The following RNF38 variants were observed in gnomAD, a reference collection of about 807,000 sequenced individuals.
RNF38 encodes the protein E3 ubiquitin-protein ligase RNF38.
Under a neutral mutation model 67.2 loss-of-function variants are expected in RNF38, and 15 were observed. That is an observed-to-expected ratio of 0.22 (90% CI 0.15 to 0.34). The LOEUF (loss-of-function observed/expected upper bound fraction) is 0.34, where lower values mean the gene tolerates loss of function less well. Ranked by LOEUF, RNF38 falls within the 10% of genes least tolerant of loss-of-function variation. The pLI, the probability that RNF38 is intolerant of heterozygous loss-of-function variation, is 1.00. For missense variants in RNF38, 524 were observed against 639.9 expected (o/e 0.82, Z 1.95); for synonymous variants, 220 against 218.8 (o/e 1.01, Z -0.05).
chr9:36,408,143 G>C (rs1289883923), intron 2 of RNF38, among the ~76,000 whole-genome samples: 2 of 152,094 alleles, frequency 1.3e-5, no homozygotes, highest in Non-Finnish European at 2.9e-5. Flanking sequence ...CTGTCACCCA[G>C]GTTGAGGTGC....
At chr9:36,369,664 T>C in intron 4 of RNF38, 55 bp downstream of exon 4, 1 of 1,404,134 alleles carries the variant, frequency 7.1e-7, no homozygotes, top group Non-Finnish European at 9.5e-7. Flanking sequence ...AAAAAAAATC[T>C]CAAACTGCCA....
intron 1 of RNF38, among the ~76,000 whole-genome samples, chr9:36,445,938 A>G (rs1203916655): frequency 1.3e-5 from 2 of 152,196 alleles, no homozygotes; most frequent in African/African-American, 4.8e-5. Flanking sequence ...GTTGCCACAC[A>G]GTGTAGCACT....
intron 2 of RNF38, among the ~76,000 whole-genome samples, chr9:36,413,505 C>T (rs1165796099): frequency 6.6e-6 from 1 of 152,180 alleles, no homozygotes; most frequent in African/African-American, 2.4e-5. Context: ...ATTTTGAGAT[C>T]CCATTTTATG....
chr9:36,379,934 C>A (rs868415148), intron 2 of RNF38, among the ~76,000 whole-genome samples: 1 of 152,202 alleles, frequency 6.6e-6, no homozygotes, highest in Non-Finnish European at 1.5e-5. Context: ...CAGAAGATTA[C>A]ATTCACTTTT....
At chr9:36,456,197 T>C (rs1303905611) in intron 1 of RNF38, among the ~76,000 whole-genome samples, 1 of 152,126 alleles carries the variant, frequency 6.6e-6, no homozygotes, top group African/African-American at 2.4e-5. Flanking sequence ...TAGCTGAGAT[T>C]ACAGGTGTAC....
At chr9:36,392,325 T>C (rs1021542819) in intron 1 of RNF38, among the ~76,000 whole-genome samples, 2 of 152,218 alleles carry the variant, frequency 1.3e-5, no homozygotes, top group Non-Finnish European at 2.9e-5. Context: ...GTACAGAATG[T>C]TCTGATCTCT....
intron 3 of RNF38, among the ~76,000 whole-genome samples, chr9:36,375,072 T>C (rs1467785447): frequency 6.6e-6 from 1 of 152,074 alleles, no homozygotes; most frequent in African/African-American, 2.4e-5. Flanking sequence ...CAACAAATAA[T>C]GAGGAAGAAA....
intron 9 of RNF38, among the ~76,000 whole-genome samples, chr9:36,348,349 T>C (rs1288923528): frequency 6.6e-6 from 1 of 151,874 alleles, no homozygotes; most frequent in Non-Finnish European, 1.5e-5. Context: ...GGCATGTATC[T>C]ACTGTCCCAG....
At chr9:36,425,408 T>TA (rs1352999513) in intron 1 of RNF38, among the ~76,000 whole-genome samples, 1 of 152,196 alleles carries the variant, frequency 6.6e-6, no homozygotes, top group Non-Finnish European at 1.5e-5. Context: ...AAAATAATCT[T>TA]AGAGGCCAGG....
chr9:36,468,637 C>A (rs1432494859), intron 1 of RNF38, among the ~76,000 whole-genome samples: 1 of 151,992 alleles, frequency 6.6e-6, no homozygotes, highest in African/African-American at 2.4e-5. Context: ...CATAGGGAAA[C>A]CCCGTCTCTA....
At chr9:36,423,572 C>G (rs62541859) in intron 2 of RNF38, among the ~76,000 whole-genome samples, 18,630 of 152,124 alleles carry the variant, frequency 0.12, 1,569 homozygotes, top group Non-Finnish European at 0.18. Context: ...TAAGTCCATC[C>G]AGATCGGCAG....
At chr9:36,372,449 C>G in intron 3 of RNF38, 1 of 656,584 alleles carries the variant, frequency 1.5e-6, no homozygotes. Flanking sequence ...AATAGTATCC[C>G]TCTTTCACTT....
In RNF38 at chr9:36,353,224, A is replaced by G; in HGVS notation, c.1017T>C (p.Ala339=). Residue 339 remains alanine (A), a synonymous_variant, in exon 7 of 12, where the codon GCT becomes GCC. Coordinates refer to ENST00000259605, the MANE Select transcript of RNF38 (RefSeq NM_022781.5). ...GATCATGTGTTAAGAACTGCAAGGG[A>G]GCTGATGGAGGTAATGTTGGGGGGT... The part of the protein sequence containing the change: ...SAHPPTLPPS[A]PLQFLTHDPL... 6.2e-7 allele frequency: 1 copy of G among 1,613,998 alleles called. No individual in the cohort carries two copies. The highest frequency in any genetic ancestry group is 8.5e-7 in the Non-Finnish European group (1 of 1,179,972).
At chr9:36,383,516 A>G (rs1435772507) in intron 2 of RNF38, among the ~76,000 whole-genome samples, 1 of 152,182 alleles carries the variant, frequency 6.6e-6, no homozygotes, top group African/African-American at 2.4e-5. Flanking sequence ...AGTGAAACTG[A>G]AACTTTTTAA....
intron 1 of RNF38, chr9:36,487,163 C>T: frequency 4.2e-6 from 2 of 478,370 alleles, no homozygotes; most frequent in Non-Finnish European, 5.5e-6. Flanking sequence ...GCAGGGCTCG[C>T]AGGGGCTCCG....
At chr9:36,471,927 T>A (rs2134416055) in intron 1 of RNF38, among the ~76,000 whole-genome samples, 1 of 152,332 alleles carries the variant, frequency 6.6e-6, no homozygotes, top group Middle Eastern at 3.4e-3. Context: ...ATCTTTTCAC[T>A]TCTTGCTTTG....
intron 4 of RNF38, among the ~76,000 whole-genome samples, chr9:36,367,872 G>C (rs1340052143): frequency 6.6e-6 from 1 of 152,130 alleles, no homozygotes; most frequent in Non-Finnish European, 1.5e-5. Context: ...ATTTTTTTGA[G>C]ATGGAGTCTC....
chr9:36,473,861 C>T lies in RNF38; in HGVS notation n.241+13447G>A, dbSNP rs1185162169. ...AATTAGCCGGGCGTGGTGGCAGGCA[C>T]CTGTAATCCCAGCTACTCAGGAGGC... is the stretch of plus-strand genomic sequence containing the variant. On this transcript the variant is annotated intron_variant and non_coding_transcript_variant, in intron 1 of 3. Transcript: ENST00000488058. 4.0e-5 allele frequency among the ~76,000 whole-genome samples: 6 copies of T among 151,574 alleles called. No homozygotes were observed. In the East Asian group the frequency reaches 9.7e-4, roughly 25 times the overall value.
At chr9:36,487,162 G>T in intron 1 of RNF38, 1 of 468,464 alleles carries the variant, frequency 2.1e-6, no homozygotes, top group Non-Finnish European at 2.8e-6. Context: ...CGCAGGGCTC[G>T]CAGGGGCTCC....
Sources: gnomAD v4.1 joint callset for allele counts (sites outside exome capture counted in the v4.1 genomes callset) on GRCh38, gnomAD v4.1.1 for gene constraint, MANE v1.5 for transcripts, NCBI Gene and HGNC (gene_info 2026-07-23, HGNC 2026-07-21) for gene names.